UGT8: variants seen among roughly 807,000 people sequenced by gnomAD.
UGT8 encodes UDP glycosyltransferase 8.
Under a neutral mutation model 40.5 loss-of-function variants are expected in UGT8, and 12 were observed. The ratio of observed to expected loss-of-function variants is 0.30; its 90% CI spans 0.19 to 0.48. The LOEUF is 0.48. Ranked by LOEUF, UGT8 falls within the 20% of genes least tolerant of loss-of-function variation. The pLI, the probability that UGT8 is intolerant of heterozygous loss-of-function variation, is 0.99. For synonymous variants in UGT8, 224 were observed against 240.4 expected (o/e 0.93, Z 0.63); for missense variants, 513 against 648.7 (o/e 0.79, Z 2.27).
chr4:114,612,863 T>A (rs1461404947), intron 1 of UGT8, among the ~76,000 whole-genome samples: 1 of 152,206 alleles, frequency 6.6e-6, no homozygotes, highest in Non-Finnish European at 1.5e-5. Flanking sequence ...TGATCCTCTA[T>A]AACTTAAAAT....
At chr4:114,675,793 A>G in intron 5 of UGT8, 132 bp from the exon 6 acceptor site, 1 of 947,126 alleles carries the variant, frequency 1.1e-6, no homozygotes, top group East Asian at 2.8e-5. Flanking sequence ...CACTTAACAC[A>G]GTGCTTGTAC....
intron 1 of UGT8, among the ~76,000 whole-genome samples, chr4:114,622,170 G>C (rs1731847349): frequency 7.2e-6 from 1 of 139,318 alleles, no homozygotes; most frequent in Non-Finnish European, 1.5e-5. Context: ...TGTTCCCATT[G>C]TTCAATTCCC....
chr4:114,604,794 T>A (rs940118615), intron 1 of UGT8, among the ~76,000 whole-genome samples: 2 of 152,196 alleles, frequency 1.3e-5, no homozygotes, highest in African/African-American at 4.8e-5. Flanking sequence ...TCCATATTTT[T>A]AAGATGAAAT....
At chr4:114,622,248 TC>T (rs1215143434) in intron 1 of UGT8, 1 of 151,618 alleles carries the variant, frequency 6.6e-6, no homozygotes, top group Non-Finnish European at 1.5e-5. Context: ...AATGATGATT[TC>T]CAATTTCATC....
chr4:114,626,496 T>G (rs1224884799), intron 2 of UGT8, among the ~76,000 whole-genome samples: 2 of 152,218 alleles, frequency 1.3e-5, no homozygotes, highest in Non-Finnish European at 2.9e-5. Flanking sequence ...AGAAAATTTA[T>G]AAAGGACATT....
chr4:114,633,005 A>G (rs1405284544), intron 2 of UGT8, among the ~76,000 whole-genome samples: 2 of 152,234 alleles, frequency 1.3e-5, no homozygotes, highest in African/African-American at 4.8e-5. Flanking sequence ...TTTTCAGGCC[A>G]TGATGAGAAA....
At chr4:114,626,869 C>T (rs1316679003) in intron 2 of UGT8, among the ~76,000 whole-genome samples, 1 of 152,132 alleles carries the variant, frequency 6.6e-6, no homozygotes, top group Non-Finnish European at 1.5e-5. Flanking sequence ...GGGCTTAATA[C>T]TCAAGTCAAA....
At chr4:114,619,714 G>A (rs1246890603) in intron 1 of UGT8, among the ~76,000 whole-genome samples, 1 of 151,770 alleles carries the variant, frequency 6.6e-6, no homozygotes, top group Admixed American at 6.6e-5. Context: ...CCAATCCCCA[G>A]TTGTTGAGAA....
intron 2 of UGT8, among the ~76,000 whole-genome samples, chr4:114,634,523 G>A (rs1261003551): frequency 6.6e-6 from 1 of 152,200 alleles, no homozygotes; most frequent in Non-Finnish European, 1.5e-5. Flanking sequence ...TGATATCATA[G>A]GTCCATCCTT....
At chr4:114,651,291 G>A (rs1392710081) in intron 2 of UGT8, among the ~76,000 whole-genome samples, 1 of 151,994 alleles carries the variant, frequency 6.6e-6, no homozygotes, top group Non-Finnish European at 1.5e-5. Flanking sequence ...TATGCAGTTT[G>A]ACTTGAAAAG....
At chr4:114,625,794 T>C (rs1732174287) in intron 2 of UGT8, among the ~76,000 whole-genome samples, 1 of 152,140 alleles carries the variant, frequency 6.6e-6, no homozygotes, top group Admixed American at 6.5e-5. Flanking sequence ...AAAACATCTT[T>C]TTAGTGGTTT....
intron 5 of UGT8, among the ~76,000 whole-genome samples, chr4:114,674,212 G>A (rs1735476275): frequency 2.0e-5 from 3 of 151,904 alleles, no homozygotes; most frequent in South Asian, 2.1e-4. Flanking sequence ...TGGCTCTCTC[G>A]ACCTTTCCTT....
intron 1 of UGT8, among the ~76,000 whole-genome samples, chr4:114,615,469 A>C (rs1282111561): frequency 6.6e-6 from 1 of 152,024 alleles, no homozygotes; most frequent in Non-Finnish European, 1.5e-5. Flanking sequence ...CTCCCCACCC[A>C]GTTCTAGGCA....
intron 5 of UGT8, among the ~76,000 whole-genome samples, chr4:114,669,262 A>G (rs975772268): frequency 1.3e-5 from 2 of 152,180 alleles, no homozygotes; most frequent in Non-Finnish European, 2.9e-5. Context: ...TGTCGGATAC[A>G]GCTCTGCCAT....
intron 2 of UGT8, among the ~76,000 whole-genome samples, chr4:114,636,630 T>G (rs887575249): frequency 7.2e-5 from 11 of 152,234 alleles, no homozygotes; most frequent in Non-Finnish European, 1.6e-4. Context: ...CTTATCAAAA[T>G]TAAGTTTCTA....
intron 1 of UGT8, among the ~76,000 whole-genome samples, chr4:114,604,766 T>C (rs952976024): frequency 1.3e-5 from 2 of 152,190 alleles, no homozygotes; most frequent in Non-Finnish European, 2.9e-5. Flanking sequence ...GTTTGTTGAA[T>C]AAAACAAAAT....
intron 1 of UGT8, among the ~76,000 whole-genome samples, chr4:114,616,294 C>T (rs1402335502): frequency 6.6e-6 from 1 of 152,166 alleles, no homozygotes; most frequent in Non-Finnish European, 1.5e-5. Flanking sequence ...CAAGCCTCGG[C>T]AGTGGCGGGC....
intron 2 of UGT8, among the ~76,000 whole-genome samples, chr4:114,639,663 G>A (rs1189037636): frequency 3.9e-5 from 6 of 152,184 alleles, no homozygotes; most frequent in African/African-American, 1.4e-4. Context: ...TTTAACACAA[G>A]GCAAACCTGT....
intron 1 of UGT8, among the ~76,000 whole-genome samples, chr4:114,608,965 AATTCTTTTTTCC>A (rs1730889246): frequency 6.6e-6 from 1 of 152,198 alleles, no homozygotes; most frequent in African/African-American, 2.4e-5. Flanking sequence ...GCCCAGGAAT[AATTCTTTTTTCC>A]ATTCTTTGTG....
Sources: gnomAD v4.1 joint callset for allele counts (sites outside exome capture counted in the v4.1 genomes callset) on GRCh38, gnomAD v4.1.1 for gene constraint, MANE v1.5 for transcripts, NCBI Gene and HGNC (gene_info 2026-07-23, HGNC 2026-07-21) for gene names.